The following CCDC102B variants were observed in gnomAD, a reference collection of about 807,000 sequenced individuals.
The protein encoded by CCDC102B is coiled-coil domain containing 102B.
In CCDC102B, 75 loss-of-function variants were observed where a neutral mutation model predicts 57.4. The ratio of observed to expected loss-of-function variants is 1.31; its 90% CI spans 1.08 to 1.58. The LOEUF (loss-of-function observed/expected upper bound fraction) is 1.58, where lower values mean the gene tolerates loss of function less well. Ranked by LOEUF, CCDC102B falls within the 40% of genes most tolerant of loss-of-function variation. The pLI is 0.00. For synonymous variants in CCDC102B, 206 were observed against 201.9 expected (o/e 1.02, Z -0.17); for missense variants, 636 against 582.6 (o/e 1.09, Z -0.94).
chr18:68,773,267 A>C (rs1035260815), intron 2 of CCDC102B, among the ~76,000 whole-genome samples: 1 of 152,062 alleles, frequency 6.6e-6, no homozygotes, highest in African/African-American at 2.4e-5. Flanking sequence ...AGTTATAAGA[A>C]TGTGTCTGAG....
At chr18:69,032,604 A>G (rs186412022) in intron 7 of CCDC102B, among the ~76,000 whole-genome samples, 2 of 152,278 alleles carry the variant, frequency 1.3e-5, no homozygotes, top group East Asian at 1.9e-4. Flanking sequence ...GATTCCCTAT[A>G]GTTATCTTTA....
At chr18:68,901,074 G>T (rs117192197) in intron 6 of CCDC102B, among the ~76,000 whole-genome samples, 1,792 of 152,232 alleles carry the variant, frequency 0.012, 38 homozygotes, top group East Asian at 0.081. Context: ...CATTATAGAA[G>T]CAGAAAATCT....
chr18:68,988,855 G>A (rs2050792565), intron 6 of CCDC102B, among the ~76,000 whole-genome samples: 1 of 152,198 alleles, frequency 6.6e-6, no homozygotes, highest in African/African-American at 2.4e-5. Flanking sequence ...GATATTTTTT[G>A]TGAACATTTA....
At chr18:68,836,723 A>G in intron 1 of CCDC102B, 26 bp from the exon 2 acceptor site, 1 of 1,557,374 alleles carries the variant, frequency 6.4e-7, no homozygotes, top group African/African-American at 1.4e-5. Context: ...TTTCAGCGTG[A>G]AATTATGGTC....
At position 68,867,156 on chromosome 18, in the gene CCDC102B, C is replaced by G. The variant is rs148030613; in HGVS notation, c.937-7513C>G. 803 of 162,436 alleles carry G rather than the reference C, an allele frequency of 4.9e-3. 6 individuals are homozygous for G. The highest frequency in any genetic ancestry group is 0.018 in the African/African-American group (768 of 41,732). The allele number at this position is 162,436 out of a possible 1,614,324, so 10.1% of individuals were successfully genotyped here. The stretch of plus-strand genomic sequence containing the variant: ...TTTAGATCCTTTTGGGCTTTCAGAT[C>G]CCCTGGAGCTCAGTAGCAGTAGATC... On this transcript the variant is annotated intron_variant, in intron 4 of 7. Coordinates refer to ENST00000360242, the MANE Select transcript of CCDC102B (RefSeq NM_024781.3).
At chr18:68,980,483 C>A (rs2050551110) in intron 6 of CCDC102B, among the ~76,000 whole-genome samples, 1 of 150,834 alleles carries the variant, frequency 6.6e-6, no homozygotes, top group Admixed American at 6.6e-5. Flanking sequence ...CAAGAAAAAA[C>A]AAATGATACC....
At chr18:68,959,870 G>C (rs2050001588) in intron 6 of CCDC102B, among the ~76,000 whole-genome samples, 1 of 152,038 alleles carries the variant, frequency 6.6e-6, no homozygotes, top group African/African-American at 2.4e-5. Flanking sequence ...CCCATCCTGA[G>C]TCTCTCTCTT....
chr18:68,802,619 C>CCA, intron 1 of CCDC102B, among the ~76,000 whole-genome samples: 1 of 152,310 alleles, frequency 6.6e-6, no homozygotes, highest in African/African-American at 2.4e-5. Context: ...AGCATAGGTA[C>CCA]TGAATGCAAA....
intron 2 of CCDC102B, among the ~76,000 whole-genome samples, chr18:68,743,204 A>AAAAT (rs149028636): frequency 7.0e-5 from 10 of 142,616 alleles, no homozygotes; most frequent in African/African-American, 2.4e-4. Context: ...CATCTCAACA[A>AAAAT]AAATAAATAA....
At chr18:68,877,056 G>A (rs1057356836) in intron 5 of CCDC102B, among the ~76,000 whole-genome samples, 4 of 152,132 alleles carry the variant, frequency 2.6e-5, no homozygotes, top group Non-Finnish European at 4.4e-5. Context: ...TATATAGTTT[G>A]AAATAAAATA....
intron 2 of CCDC102B, among the ~76,000 whole-genome samples, chr18:68,746,248 A>G (rs189193022): frequency 2.6e-5 from 4 of 152,312 alleles, no homozygotes; most frequent in East Asian, 3.9e-4. Context: ...ATTTCTGGGC[A>G]CTTAGAGTTA....
chr18:69,026,748 G>T (rs1009873632), intron 7 of CCDC102B, among the ~76,000 whole-genome samples: 1 of 152,128 alleles, frequency 6.6e-6, no homozygotes, highest in East Asian at 1.9e-4. Context: ...AAACAATTAT[G>T]CCATGTTTAC....
intron 6 of CCDC102B, among the ~76,000 whole-genome samples, chr18:69,009,971 G>A (rs1479847097): frequency 5.7e-5 from 3 of 52,748 alleles, no homozygotes; most frequent in Admixed American, 3.5e-4. Context: ...TTGCTCTGTC[G>A]CCCGGGCTGG....
chr18:68,781,062 CTT>C (rs1264480665), intron 2 of CCDC102B, among the ~76,000 whole-genome samples: 1 of 151,984 alleles, frequency 6.6e-6, no homozygotes, highest in African/African-American at 2.4e-5. Context: ...ATAAGCATAA[CTT>C]ATCTGTTTTT....
chr18:68,911,689 T>C (rs1372100099), intron 6 of CCDC102B, among the ~76,000 whole-genome samples: 7 of 130,752 alleles, frequency 5.4e-5, no homozygotes, highest in East Asian at 2.2e-4. Flanking sequence ...GAGGCGGAGC[T>C]TGCAGTGAGC....
At chr18:68,961,250 A>G (rs2145229333) in intron 6 of CCDC102B, among the ~76,000 whole-genome samples, 1 of 152,162 alleles carries the variant, frequency 6.6e-6, no homozygotes, top group Middle Eastern at 3.4e-3. Flanking sequence ...TCAATCACAT[A>G]TGCAATTTTC....
At chr18:68,817,982 G>A (rs1332431781) in intron 1 of CCDC102B, among the ~76,000 whole-genome samples, 1 of 152,132 alleles carries the variant, frequency 6.6e-6, no homozygotes, top group South Asian at 2.1e-4. Context: ...ACATGTAGAA[G>A]AAAAGCTAAA....
rs191312916 is a variant in CCDC102B, at chr18:68,975,050, A to G, written c.1264-35884A>G. On this transcript the variant is annotated intron_variant, in intron 6 of 7. Transcript: ENST00000360242. ...AAATCCCAAGAATCGTAAGACTCACATCTCCCAACAGGCAAACAAATAGAT... is the reference window on the plus strand; with the variant it reads ...AAATCCCAAGAATCGTAAGACTCACGTCTCCCAACAGGCAAACAAATAGAT... Among the ~76,000 whole-genome samples, 233 of 152,142 alleles carry G rather than the reference A, an allele frequency of 1.5e-3. 1 individual carries two copies. Among genetic ancestry groups the G allele is most frequent in the African/African-American group, 4.9e-3 (203 of 41,534 alleles).
At chr18:68,821,121 G>C (rs1323967028) in intron 1 of CCDC102B, among the ~76,000 whole-genome samples, 1 of 151,968 alleles carries the variant, frequency 6.6e-6, no homozygotes, top group Non-Finnish European at 1.5e-5. Flanking sequence ...ATTGGAGTTT[G>C]GTGATCCAAA....
Sources: allele counts gnomAD v4.1 joint callset (sites outside exome capture counted in the v4.1 genomes callset), GRCh38; gene constraint gnomAD v4.1.1; transcripts MANE v1.5; gene names NCBI Gene and HGNC (gene_info 2026-07-23, HGNC 2026-07-21).